CCNY: variants seen among roughly 807,000 people sequenced by gnomAD.
CCNY encodes the protein cyclin-Y.
CCNY carries 19 observed loss-of-function variants against 42.8 expected under a neutral mutation model. The ratio of observed to expected loss-of-function variants is 0.44; its 90% CI spans 0.31 to 0.65. CCNY has a LOEUF of 0.65. CCNY is among the 30% of genes least tolerant of loss of function. The probability of loss-of-function intolerance (pLI) is 0.07; values close to 1 mark genes in which losing one functional copy is unlikely to be tolerated. For missense variants in CCNY, 370 were observed against 437.3 expected, an observed-to-expected ratio of 0.85 and a Z score of 1.37; for synonymous variants, 165 against 162.7, an observed-to-expected ratio of 1.01 and a Z score of -0.11.
chr10:35,431,853 C>G (rs140414059), intron 1 of CCNY, among the ~76,000 whole-genome samples: 2 of 152,088 alleles, frequency 1.3e-5, no homozygotes, highest in African/African-American at 4.8e-5. Flanking sequence ...GTTTTTTTCT[C>G]CTAGCCTCTA....
chr10:35,435,902 A>C (rs1450385643), intron 1 of CCNY, among the ~76,000 whole-genome samples: 2 of 152,218 alleles, frequency 1.3e-5, no homozygotes. Flanking sequence ...TTATGATGGT[A>C]GTAGTGACGA....
chr10:35,274,731 C>T (rs1413902313), intron 3 of CCNY, among the ~76,000 whole-genome samples: 1 of 152,048 alleles, frequency 6.6e-6, no homozygotes, highest in African/African-American at 2.4e-5. Context: ...TATACTGTTT[C>T]GTGTCCCATG....
At chr10:35,333,857 T>C (rs970853028), upstream of CCNY, among the ~76,000 whole-genome samples, 10 of 152,168 alleles carry the variant, frequency 6.6e-5, no homozygotes, top group South Asian at 2.1e-4. Flanking sequence ...CTGGAGGAGT[T>C]TGAAGTATGC....
At chr10:35,450,790 CATA>C (rs1838899846) in intron 1 of CCNY, among the ~76,000 whole-genome samples, 1 of 150,980 alleles carries the variant, frequency 6.6e-6, no homozygotes, top group African/African-American at 2.4e-5. Context: ...ATATTTTTGA[CATA>C]ATTTTTTCAC....
intron 1 of CCNY, among the ~76,000 whole-genome samples, chr10:35,380,871 G>A (rs537422202): frequency 9.9e-5 from 15 of 152,244 alleles, no homozygotes; most frequent in Admixed American, 3.3e-4. Flanking sequence ...TCACTCCTTC[G>A]TTGTTTCTTT....
At chr10:35,354,872 ATCTT>A (rs1470092715) in intron 1 of CCNY, among the ~76,000 whole-genome samples, 3 of 150,550 alleles carry the variant, frequency 2.0e-5, no homozygotes, top group African/African-American at 4.9e-5. Flanking sequence ...AAATTCTCCT[ATCTT>A]TCTAAGTCAG....
intron 2 of CCNY, among the ~76,000 whole-genome samples, chr10:35,497,754 A>G (rs915849797): frequency 6.7e-6 from 1 of 149,028 alleles, no homozygotes; most frequent in Non-Finnish European, 1.5e-5. Context: ...AAAAAATTCT[A>G]CTTATCTTAT....
Position 35,530,059 on chromosome 10 carries a change from G to T in CCNY, c.459+29G>T. On this transcript the variant is annotated intron_variant, in intron 6 of 9. Coordinates refer to ENST00000374704, the MANE Select transcript of CCNY (RefSeq NM_145012.6). This position sits in a 1 kb window ranked among gnomAD's most constrained non-coding sequence, Gnocchi z 4.3. ...ATCTCCTCCGTGTGTTTCATGAGAT[G>T]ATTTAATTATTTCTCTTTTGCTCCA... 1 of 1,614,028 alleles carries T rather than the reference G, an allele frequency of 6.2e-7. No homozygotes were observed. The highest frequency in any genetic ancestry group is 8.5e-7 in the Non-Finnish European group (1 of 1,179,906).
In CCNY at chr10:35,502,391, TTGAAGATCTTGAAATAGTCCTAAAGCTG is replaced by T. The variant is rs1158722927; in HGVS notation, c.264+859_264+886del. 3.1e-4 allele frequency among the ~76,000 whole-genome samples: 47 copies of T among 152,360 alleles called. No homozygotes were observed. In the Middle Eastern group the frequency reaches 0.01, roughly 33 times the overall value. On this transcript the variant is annotated intron_variant, in intron 3 of 9. Coordinates refer to ENST00000374704, the MANE Select transcript of CCNY (RefSeq NM_145012.6). ...TTTTAGACTGTCTGCATCTGTGTAT[TTGAAGATCTTGAAATAGTCCTAAAGCTG>T]TGTATTAAAGAGACTTAAAGCCATA...
At chr10:35,566,368 G>A (rs533764115) in intron 9 of CCNY, 183 bp downstream of exon 9, 26 of 663,616 alleles carry the variant, frequency 3.9e-5, no homozygotes, top group Middle Eastern at 4.3e-4. Flanking sequence ...TCTTTGAGAC[G>A]GAGTCTCGCT....
intron 9 of CCNY, among the ~76,000 whole-genome samples, chr10:35,567,143 A>G (rs890500202): frequency 6.6e-6 from 1 of 152,256 alleles, no homozygotes; most frequent in African/African-American, 2.4e-5. Flanking sequence ...TTCATAGGAA[A>G]AAGCTGCCAA....
Position 35,565,940 on chromosome 10 carries a change from C to A in CCNY, c.747-83C>A. ...CCTGGAGGATGCAGTTTTCTGGAGT[C>A]TGGTCTCCAGCAACTTGCCTTGGCA... On this transcript the variant is annotated intron_variant, in intron 8 of 9. Transcript: ENST00000374704. The A allele has an allele frequency of 2.2e-6, 3 of 1,376,594 alleles. No homozygotes were observed. The East Asian group carries it at 6.9e-5, about 32-fold the overall frequency. The allele number at this position is 1,376,594 out of a possible 1,614,324, so 85.3% of individuals were successfully genotyped here.
At chr10:35,447,712 T>C (rs560883628) in intron 1 of CCNY, among the ~76,000 whole-genome samples, 2 of 152,162 alleles carry the variant, frequency 1.3e-5, no homozygotes, top group Non-Finnish European at 1.5e-5. Context: ...CCAGAAATAA[T>C]GGGCATGTCT....
rs541514414 is a variant in CCNY at position 35,262,088 on chromosome 10, C to G, written c.-9+11462C>G. Among the ~76,000 whole-genome samples the G allele has an allele frequency of 3.3e-5, 5 of 150,922 alleles. No homozygotes were observed. The South Asian group carries it at 6.3e-4, about 19-fold the overall frequency. ...GACAGCCTGGGCAACATGGCAAAACCTCATCTCTACTAAAAATACAAAAAT... is the reference window on the plus strand; with the variant it reads ...GACAGCCTGGGCAACATGGCAAAACGTCATCTCTACTAAAAATACAAAAAT... On this transcript the variant is annotated intron_variant, in intron 3 of 11. Coordinates refer to the CCNY transcript ENST00000374706.
intron 7 of CCNY, among the ~76,000 whole-genome samples, chr10:35,541,596 T>C (rs1023023996): frequency 7.2e-5 from 11 of 152,182 alleles, no homozygotes; most frequent in African/African-American, 2.7e-4. Context: ...GACTGGGTCT[T>C]GCTGTGTTGC....
intron 2 of CCNY, among the ~76,000 whole-genome samples, chr10:35,497,726 C>CAAAAA (rs34502756): frequency 1.4e-5 from 1 of 73,588 alleles, no homozygotes; most frequent in African/African-American, 4.9e-5. Flanking sequence ...GACTCCGTCT[C>CAAAAA]AAAAAAAAAA....
intron 1 of CCNY, among the ~76,000 whole-genome samples, chr10:35,412,475 T>A (rs1589103394): frequency 6.7e-6 from 1 of 150,172 alleles, no homozygotes; most frequent in African/African-American, 2.5e-5. Context: ...GAGAAGAGGG[T>A]GGGAAGGGCT....
At chr10:35,399,508 C>T (rs1164619590) in intron 1 of CCNY, among the ~76,000 whole-genome samples, 1 of 152,158 alleles carries the variant, frequency 6.6e-6, no homozygotes. Flanking sequence ...CTGTTTAATT[C>T]AAGGTGTGAA....
intron 1 of CCNY, among the ~76,000 whole-genome samples, chr10:35,385,855 C>A (rs1357036885): frequency 6.6e-6 from 1 of 152,134 alleles, no homozygotes; most frequent in African/African-American, 2.4e-5. Context: ...TTTGCTCAGC[C>A]TCTTGAAAGA....
Sources: allele counts gnomAD v4.1 joint callset (sites outside exome capture counted in the v4.1 genomes callset), GRCh38; gene constraint gnomAD v4.1.1; non-coding constraint Gnocchi (gnomAD v3.1); transcripts MANE v1.5; gene names NCBI Gene and HGNC (gene_info 2026-07-23, HGNC 2026-07-21).